Variants in FHOD3 observed in about 807,000 individuals in gnomAD.
FHOD3 encodes the protein formin homology 2 domain containing 3, also known as FH1/FH2 domain-containing protein 3.
A neutral mutation model predicts 173.0 loss-of-function variants in FHOD3; 90 were observed. That is an observed-to-expected ratio of 0.52 (90% CI 0.44 to 0.62). The LOEUF (loss-of-function observed/expected upper bound fraction) is 0.62, where lower values mean the gene tolerates loss of function less well. Among genes scored for constraint, FHOD3 ranks in the 20% least tolerant of loss-of-function variants. The pLI, the probability that FHOD3 is intolerant of heterozygous loss-of-function variation, is 0.00. For missense variants in FHOD3, 1,945 were observed against 2,034.7 expected (o/e 0.96, Z 0.85); for synonymous variants, 828 against 823.0 (o/e 1.01, Z -0.10).
intron 3 of FHOD3, among the ~76,000 whole-genome samples, chr18:36,500,694 A>G (rs2054986699): frequency 6.6e-6 from 1 of 152,218 alleles, no homozygotes; most frequent in South Asian, 2.1e-4. Flanking sequence ...TCACATAGCT[A>G]GTAAATGGTG....
At chr18:36,773,941 C>T (rs1373834488) in intron 28 of FHOD3, among the ~76,000 whole-genome samples, 1 of 152,230 alleles carries the variant, frequency 6.6e-6, no homozygotes, top group Non-Finnish European at 1.5e-5. Flanking sequence ...AGAGGGCTGA[C>T]ACTCTCGACT....
chr18:36,670,515 A>G (rs2037462409), intron 14 of FHOD3, among the ~76,000 whole-genome samples: 2 of 152,104 alleles, frequency 1.3e-5, no homozygotes, highest in Admixed American at 6.5e-5. Flanking sequence ...GTGACAATCT[A>G]CTGTTTCAAG....
At chr18:36,347,191 G>A (rs2045917338) in intron 1 of FHOD3, among the ~76,000 whole-genome samples, 1 of 152,214 alleles carries the variant, frequency 6.6e-6, no homozygotes. Context: ...CTTGAATAAA[G>A]TGAAACGGAA....
chr18:36,745,857 C>T (rs1379048549), intron 23 of FHOD3, among the ~76,000 whole-genome samples: 1 of 151,402 alleles, frequency 6.6e-6, no homozygotes, highest in African/African-American at 2.4e-5. Flanking sequence ...ACACCCTCCA[C>T]GCACCTCGTG....
intron 28 of FHOD3, among the ~76,000 whole-genome samples, chr18:36,776,269 C>A (rs2043645117): frequency 6.6e-6 from 1 of 151,930 alleles, no homozygotes; most frequent in African/African-American, 2.4e-5. Context: ...TGTTTCTCCC[C>A]ACACTGTGTC....
chr18:36,319,083 A>T (rs887776368), intron 1 of FHOD3, among the ~76,000 whole-genome samples: 1 of 152,190 alleles, frequency 6.6e-6, no homozygotes, highest in Non-Finnish European at 1.5e-5. Flanking sequence ...TGACTTGATC[A>T]TGGCAGATAA....
intron 1 of FHOD3, among the ~76,000 whole-genome samples, chr18:36,301,723 A>C (rs2091960609): frequency 6.6e-6 from 1 of 152,208 alleles, no homozygotes; most frequent in Non-Finnish European, 1.5e-5. Context: ...TAAAGCTTAA[A>C]ATGTGTTTGG....
chr18:36,349,336 C>T (rs986691366), intron 1 of FHOD3, among the ~76,000 whole-genome samples: 6 of 152,196 alleles, frequency 3.9e-5, no homozygotes, highest in African/African-American at 1.2e-4. Context: ...AGACACAGGT[C>T]ACCCAGATTC....
intron 9 of FHOD3, among the ~76,000 whole-genome samples, chr18:36,615,043 T>A (rs1403427673): frequency 6.6e-6 from 1 of 151,758 alleles, no homozygotes; most frequent in African/African-American, 2.4e-5. Context: ...AGAGATGGGG[T>A]TTCTCCATGT....
intron 1 of FHOD3, among the ~76,000 whole-genome samples, chr18:36,339,726 G>A (rs931567503): frequency 6.6e-6 from 1 of 152,154 alleles, no homozygotes; most frequent in Non-Finnish European, 1.5e-5. Context: ...CTGGGGCTGT[G>A]GACACCTGTG....
In FHOD3 at chr18:36,718,475, A is replaced by G. The variant is rs2040586599; in HGVS notation, c.3177A>G (p.Pro1059=). Residue 1059 remains proline (P), a synonymous_variant, in exon 19 of 29, where the codon CCA becomes CCG. Transcript: ENST00000590592. ...GTAATTTATTGGTTCCTCCTCCTCCAGTGTTCAACGCTCCTCAGGGCTTAG... is the reference window on the plus strand; with the variant it reads ...GTAATTTATTGGTTCCTCCTCCTCCGGTGTTCAACGCTCCTCAGGGCTTAG... ...VPGNLLVPPP[P]VFNAPQGLGW... is the part of the protein sequence containing the mutation. 20 of 1,604,324 alleles carry G rather than the reference A, an allele frequency of 1.2e-5. No homozygotes were observed. Among genetic ancestry groups the G allele is most frequent in the Non-Finnish European group, 1.6e-5 (19 of 1,178,580 alleles).
chr18:36,711,946 A>C (rs1352393339), intron 18 of FHOD3, among the ~76,000 whole-genome samples: 1 of 152,214 alleles, frequency 6.6e-6, no homozygotes, highest in Non-Finnish European at 1.5e-5. Flanking sequence ...TGGAGGTAAT[A>C]AGGCAATGTG....
At chr18:36,680,693 C>T (rs1176109048) in intron 14 of FHOD3, among the ~76,000 whole-genome samples, 1 of 152,222 alleles carries the variant, frequency 6.6e-6, no homozygotes, top group East Asian at 1.9e-4. Flanking sequence ...TTACTAATAC[C>T]ACTGCCTGTC....
intron 10 of FHOD3, among the ~76,000 whole-genome samples, chr18:36,648,028 G>A (rs184106490): frequency 1.1e-4 from 17 of 152,316 alleles, no homozygotes; most frequent in Admixed American, 5.2e-4. Context: ...GAAGGACAGT[G>A]GGATGACAGA....
At chr18:36,521,450 T>C (rs1302538038) in intron 5 of FHOD3, among the ~76,000 whole-genome samples, 4 of 152,170 alleles carry the variant, frequency 2.6e-5, no homozygotes, top group Non-Finnish European at 5.9e-5. Flanking sequence ...CAACAAAGCG[T>C]AATCATTCAT....
chr18:36,553,022 G>T (rs921050205), intron 5 of FHOD3, among the ~76,000 whole-genome samples: 5 of 152,030 alleles, frequency 3.3e-5, no homozygotes, highest in African/African-American at 1.2e-4. Context: ...AGAGTTTTTA[G>T]CATGAAGGGT....
intron 5 of FHOD3, among the ~76,000 whole-genome samples, chr18:36,537,585 G>A (rs917676226): frequency 2.0e-5 from 3 of 152,000 alleles, no homozygotes; most frequent in African/African-American, 7.3e-5. Flanking sequence ...TTGAAATAAG[G>A]CAAAGAAAAT....
At chr18:36,775,988 T>C (rs927182314) in intron 28 of FHOD3, among the ~76,000 whole-genome samples, 3 of 152,082 alleles carry the variant, frequency 2.0e-5, no homozygotes, top group Non-Finnish European at 2.9e-5. Flanking sequence ...GCTGGAGCAT[T>C]TGAGTGGGAA....
At chr18:36,362,996 T>C (rs1234367770) in intron 2 of FHOD3, among the ~76,000 whole-genome samples, 1 of 152,188 alleles carries the variant, frequency 6.6e-6, no homozygotes, top group African/African-American at 2.4e-5. Context: ...TGAACAGATA[T>C]GTCACTAAAG....
Sources: allele counts gnomAD v4.1 joint callset (sites outside exome capture counted in the v4.1 genomes callset), GRCh38; gene constraint gnomAD v4.1.1; transcripts MANE v1.5; gene names NCBI Gene and HGNC (gene_info 2026-07-23, HGNC 2026-07-21).